The following COBLL1 variants were observed in gnomAD, a reference collection of about 807,000 sequenced individuals.
COBLL1 encodes the protein cordon-bleu protein-like 1.
Under a neutral mutation model 94.8 loss-of-function variants are expected in COBLL1, and 50 were observed. The observed-to-expected ratio is 0.53, with a 90% confidence interval of 0.42 to 0.67. The LOEUF (loss-of-function observed/expected upper bound fraction) is 0.67. COBLL1 is among the 30% of genes least tolerant of loss of function. The pLI, the probability that COBLL1 is intolerant of heterozygous loss-of-function variation, is 0.00. For missense variants in COBLL1, 1,362 were observed against 1,348.7 expected (o/e 1.01, Z -0.15); for synonymous variants, 448 against 473.8 (o/e 0.95, Z 0.71).
At chr2:164,718,175 G>A (rs1033301493) in intron 7 of COBLL1, 28 of 776,636 alleles carry the variant, frequency 3.6e-5, no homozygotes, top group Non-Finnish European at 4.2e-5. Flanking sequence ...AGTGATTAAT[G>A]TTTACTTATC....
chr2:164,720,086 C>A (rs1685368899), intron 7 of COBLL1, among the ~76,000 whole-genome samples: 4 of 152,054 alleles, frequency 2.6e-5, no homozygotes, highest in Admixed American at 2.6e-4. Context: ...TTTTTGTGTG[C>A]ACTACAGCTT....
chr2:164,810,435 T>C (rs571707467), intron 2 of COBLL1, among the ~76,000 whole-genome samples: 2 of 151,644 alleles, frequency 1.3e-5, no homozygotes, highest in Admixed American at 1.3e-4. Flanking sequence ...ATGAATGACA[T>C]AGCAAAGAAA....
intron 2 of COBLL1, among the ~76,000 whole-genome samples, chr2:164,820,518 G>C (rs1391299674): frequency 3.3e-5 from 5 of 152,166 alleles, no homozygotes. Flanking sequence ...ACCGCGCCAG[G>C]CCTGCTGTTA....
chr2:164,826,847 C>A (rs1464941665), intron 2 of COBLL1, among the ~76,000 whole-genome samples: 1 of 151,822 alleles, frequency 6.6e-6, no homozygotes, highest in Non-Finnish European at 1.5e-5. Flanking sequence ...TTATGGAATA[C>A]TTGATCCCAT....
At chr2:164,741,544 GAGAA>G (rs1686596311) in intron 3 of COBLL1, among the ~76,000 whole-genome samples, 1 of 150,950 alleles carries the variant, frequency 6.6e-6, no homozygotes, top group Non-Finnish European at 1.5e-5. Flanking sequence ...AAAAAAAAGA[GAGAA>G]AGCCAATAGG....
chr2:164,692,170 GAC>G, intron 13 of COBLL1, 49 bp downstream of exon 13: 2 of 1,480,926 alleles, frequency 1.4e-6, no homozygotes, highest in Non-Finnish European at 1.8e-6. Flanking sequence ...GTATTAGTTT[GAC>G]AATGGTGACA....
chr2:164,809,144 G>C (rs554097755), intron 2 of COBLL1, among the ~76,000 whole-genome samples: 1 of 152,130 alleles, frequency 6.6e-6, no homozygotes, highest in East Asian at 1.9e-4. Context: ...GTATGAATAA[G>C]ATTTATATTT....
At chr2:164,818,334 A>ACACGTG (rs1684941175) in intron 2 of COBLL1, among the ~76,000 whole-genome samples, 4 of 90,054 alleles carry the variant, frequency 4.4e-5, no homozygotes, top group Non-Finnish European at 9.1e-5. Context: ...GTATACATAT[A>ACACGTG]TGTATATATA....
At chr2:164,717,752 A>T (rs1005066078) in intron 7 of COBLL1, among the ~76,000 whole-genome samples, 25 of 152,038 alleles carry the variant, frequency 1.6e-4, no homozygotes, top group Non-Finnish European at 3.1e-4. Context: ...TTGTAGAGGC[A>T]GGGGTCTTAC....
intron 2 of COBLL1, among the ~76,000 whole-genome samples, chr2:164,801,869 G>T (rs1683826013): frequency 6.6e-6 from 1 of 152,112 alleles, no homozygotes; most frequent in African/African-American, 2.4e-5. Flanking sequence ...CAGAATAATG[G>T]CATCCAGAAG....
chr2:164,776,423 G>A (rs766039507), intron 2 of COBLL1, among the ~76,000 whole-genome samples: 1 of 151,980 alleles, frequency 6.6e-6, no homozygotes, highest in Non-Finnish European at 1.5e-5. Context: ...TGCCACTACT[G>A]TTCCTTGGAC....
At chr2:164,675,420 C>T (rs1691319421), downstream of COBLL1, among the ~76,000 whole-genome samples, 1 of 152,092 alleles carries the variant, frequency 6.6e-6, no homozygotes, top group South Asian at 2.1e-4. Context: ...ATCAAAGAGG[C>T]TTGAGGCACA....
chr2:164,760,239 A>C (rs1687612394), intron 2 of COBLL1, among the ~76,000 whole-genome samples: 1 of 152,206 alleles, frequency 6.6e-6, no homozygotes, highest in African/African-American at 2.4e-5. Flanking sequence ...GTTTTGATAC[A>C]TTCAACTCGG....
intron 13 of COBLL1, among the ~76,000 whole-genome samples, chr2:164,689,175 T>G (rs1201360499): frequency 6.6e-6 from 1 of 151,982 alleles, no homozygotes; most frequent in Non-Finnish European, 1.5e-5. Flanking sequence ...AAAAAAAACA[T>G]GGCATATTTA....
intron 2 of COBLL1, among the ~76,000 whole-genome samples, chr2:164,770,680 C>G (rs1333643486): frequency 6.6e-6 from 1 of 151,986 alleles, no homozygotes; most frequent in Non-Finnish European, 1.5e-5. Context: ...GAGGAAATGA[C>G]AAAGAAATAT....
intron 2 of COBLL1, among the ~76,000 whole-genome samples, chr2:164,809,475 G>A (rs188744182): frequency 8.0e-4 from 121 of 152,022 alleles, no homozygotes; most frequent in African/African-American, 2.8e-3. Context: ...CTAAAATTCT[G>A]TATGATTCAT....
chr2:164,709,130 A>G (rs1297685927), intron 7 of COBLL1, among the ~76,000 whole-genome samples: 1 of 152,236 alleles, frequency 6.6e-6, no homozygotes, highest in African/African-American at 2.4e-5. Context: ...GAGGTCTTAA[A>G]ATAAGCTAGC....
Position 164,841,279 on chromosome 2 carries a change from G to C in COBLL1, c.-50-33C>G. 8.2e-7 allele frequency: 1 copy of C among 1,220,250 alleles called. No individual in the cohort carries two copies. Among genetic ancestry groups the C allele is most frequent in the East Asian group, 3.3e-5 (1 of 30,626 alleles). The allele number at this position is 1,220,250 out of a possible 1,614,324, so 75.6% of individuals were successfully genotyped here. On this transcript the variant is annotated intron_variant, in intron 1 of 13. Transcript: ENST00000652658. The surrounding 1 kb of genome is among the most constrained non-coding windows in gnomAD (Gnocchi z 5.5). ...GGGAGAGGCCGGCGGGTCAGGGCGG[G>C]ACGCGCGCCTTCCCGAGGCCGGAGC... is the stretch of plus-strand genomic sequence containing the variant.
chr2:164,825,002 C>T (rs1685356516), intron 2 of COBLL1, among the ~76,000 whole-genome samples: 1 of 152,178 alleles, frequency 6.6e-6, no homozygotes, highest in Admixed American at 6.5e-5. Flanking sequence ...CACTGCCTGG[C>T]CACATGACCC....
Sources: gnomAD v4.1 joint callset for allele counts (sites outside exome capture counted in the v4.1 genomes callset) on GRCh38, gnomAD v4.1.1 for gene constraint, Gnocchi (gnomAD v3.1) non-coding constraint, MANE v1.5 for transcripts, NCBI Gene and HGNC (gene_info 2026-07-23, HGNC 2026-07-21) for gene names.